TTBK2: variants seen among roughly 807,000 people sequenced by gnomAD.
TTBK2 encodes tau tubulin kinase 2.
Under a neutral mutation model 110.8 loss-of-function variants are expected in TTBK2, and 28 were observed. The ratio of observed to expected loss-of-function variants is 0.25; its 90% CI spans 0.19 to 0.35. TTBK2 has a LOEUF of 0.35. Among genes scored for constraint, TTBK2 ranks in the 10% least tolerant of loss-of-function variants. The probability of loss-of-function intolerance (pLI) is 1.00; values close to 1 mark genes in which losing one functional copy is unlikely to be tolerated. For missense variants in TTBK2, 1,369 were observed against 1,500.3 expected (o/e 0.91, Z 1.45); for synonymous variants, 532 against 527.3 (o/e 1.01, Z -0.12).
intron 14 of TTBK2, among the ~76,000 whole-genome samples, chr15:42,749,454 T>G (rs1366984902): frequency 6.6e-6 from 1 of 152,142 alleles, no homozygotes; most frequent in African/African-American, 2.4e-5. Context: ...CAGCTACCCA[T>G]CCCCCATTCC....
chr15:42,794,694 A>G lies in TTBK2; in HGVS notation c.930T>C (p.Thr310=), dbSNP rs1418953070. 25 of 1,614,062 alleles carry G rather than the reference A, an allele frequency of 1.5e-5. No individual in the cohort carries two copies. Among genetic ancestry groups the G allele is most frequent in the Non-Finnish European group, 2.1e-5 (25 of 1,180,044 alleles). ...TGNDGSLTTT[T]TSTTPQLHTR... is the part of the protein sequence containing the mutation. ...TGTGCAACTGAGGGGTGGTAGAAGT[A>G]GTGGTGGTTGTTAGGGAGCCATCAT... The change falls in exon 10 of 15, where the codon ACT becomes ACC. Residue 310 remains threonine (T), a synonymous_variant. Coordinates refer to ENST00000267890, the MANE Select transcript of TTBK2 (RefSeq NM_173500.4).
At chr15:42,759,157 T>C (rs999602986) in intron 13 of TTBK2, among the ~76,000 whole-genome samples, 1 of 152,190 alleles carries the variant, frequency 6.6e-6, no homozygotes, top group African/African-American at 2.4e-5. Context: ...TCAGCTGTGA[T>C]TTGAGTCCTG....
intron 1 of TTBK2, among the ~76,000 whole-genome samples, chr15:42,907,601 G>C (rs952700116): frequency 4.6e-5 from 7 of 152,126 alleles, no homozygotes; most frequent in African/African-American, 1.7e-4. Flanking sequence ...TCATATGCCA[G>C]AGCTAAAAGA....
rs977357774 is a variant in TTBK2 at position 42,871,250 on chromosome 15, G to A, written c.217+1361C>T. Among the ~76,000 whole-genome samples, 4 of 152,086 alleles carry A rather than the reference G, an allele frequency of 2.6e-5. No homozygotes were observed. In the East Asian group the frequency reaches 7.7e-4, roughly 29 times the overall value. On this transcript the variant is annotated intron_variant, in intron 3 of 14. Coordinates refer to ENST00000267890, the MANE Select transcript of TTBK2 (RefSeq NM_173500.4). ...ATGTCATGTGGTTATAAGCAGATAG[G>A]AAAAATATATTAGTTAATAACGTGA...
chr15:42,769,106 T>C (rs1395487016), intron 13 of TTBK2, among the ~76,000 whole-genome samples: 1 of 152,112 alleles, frequency 6.6e-6, no homozygotes, highest in African/African-American at 2.4e-5. Context: ...ATACAAAAAT[T>C]AATTCAAGAT....
At chr15:42,767,188 T>C (rs997356981) in intron 13 of TTBK2, among the ~76,000 whole-genome samples, 1 of 151,988 alleles carries the variant, frequency 6.6e-6, no homozygotes, top group Non-Finnish European at 1.5e-5. Context: ...GCAGGAAAGA[T>C]CTAAAATTGA....
At chr15:42,829,187 G>A (rs935139801) in intron 5 of TTBK2, among the ~76,000 whole-genome samples, 1 of 152,128 alleles carries the variant, frequency 6.6e-6, no homozygotes, top group Non-Finnish European at 1.5e-5. Flanking sequence ...TGGTATATCA[G>A]AAATCGGTCA....
rs1567008356 is a variant in TTBK2, at chr15:42,763,084, T to TATATA, written c.1999-9838_1999-9837insTATAT. Among the ~76,000 whole-genome samples, 793 of 108,750 alleles carry TATATA rather than the reference T, an allele frequency of 7.3e-3. 46 individuals carry two copies. Among genetic ancestry groups the TATATA allele is most frequent in the African/African-American group, 0.034 (756 of 22,554 alleles). 71.3% of individuals were successfully genotyped at this position (108,750 alleles called of 152,430 possible). ...TATAGGATGATTACAGTTAACAATT[T>TATATA]TATATATATATATATATACGTATAT... On this transcript the variant is annotated intron_variant, in intron 13 of 14. Coordinates refer to ENST00000267890, the MANE Select transcript of TTBK2 (RefSeq NM_173500.4).
intron 1 of TTBK2, among the ~76,000 whole-genome samples, chr15:42,906,152 C>T (rs2030384238): frequency 6.6e-6 from 1 of 151,866 alleles, no homozygotes; most frequent in Non-Finnish European, 1.5e-5. Flanking sequence ...CACACCATTG[C>T]ACTTCAGCCT....
At chr15:42,770,794 A>G (rs923642532) in intron 13 of TTBK2, among the ~76,000 whole-genome samples, 2 of 152,104 alleles carry the variant, frequency 1.3e-5, no homozygotes, top group African/African-American at 4.8e-5. Flanking sequence ...AAGAGTCTTC[A>G]CCTTTTCACA....
rs2061763905 is a variant in TTBK2 at position 42,743,890 on chromosome 15, C to T, written c.*1905G>A. 1 of 152,048 alleles carries T rather than the reference C, an allele frequency of 6.6e-6. No homozygotes were observed. Among genetic ancestry groups the T allele is most frequent in the Non-Finnish European group, 1.5e-5 (1 of 68,010 alleles). 9.4% of individuals were successfully genotyped at this position (152,048 alleles called of 1,614,324 possible). A position where few individuals can be genotyped will look rare whatever the true frequency, so the allele number is the denominator to read the frequency against. Reference sequence around the variant, plus strand: ...GCAAGGCCCAAGTGTACATGAGGCACACAATAGAAAAGGAATTTCGCCATC... The same window carrying T: ...GCAAGGCCCAAGTGTACATGAGGCATACAATAGAAAAGGAATTTCGCCATC... On this transcript the variant is annotated 3_prime_UTR_variant, in exon 15 of 15. Transcript: ENST00000267890.
chr15:42,877,058 T>C (rs1325430245), intron 2 of TTBK2, among the ~76,000 whole-genome samples: 1 of 152,226 alleles, frequency 6.6e-6, no homozygotes, highest in East Asian at 1.9e-4. Flanking sequence ...GAGAAGCAAG[T>C]ATTTATCTTG....
chr15:42,797,673 C>T (rs931921212), intron 9 of TTBK2, among the ~76,000 whole-genome samples: 1 of 152,106 alleles, frequency 6.6e-6, no homozygotes, highest in African/African-American at 2.4e-5. Context: ...GAATGTGTTA[C>T]ATCACATTTG....
chr15:42,859,194 T>C (rs1894058956), intron 3 of TTBK2, among the ~76,000 whole-genome samples: 1 of 152,200 alleles, frequency 6.6e-6, no homozygotes, highest in South Asian at 2.1e-4. Flanking sequence ...AGCCTTGACC[T>C]TCTGGGCTCA....
At chr15:42,758,450 G>C (rs1052574132) in intron 13 of TTBK2, among the ~76,000 whole-genome samples, 2 of 152,116 alleles carry the variant, frequency 1.3e-5, no homozygotes, top group Admixed American at 6.5e-5. Flanking sequence ...GAGGTCAGGA[G>C]TTCAAGACCA....
intron 1 of TTBK2, among the ~76,000 whole-genome samples, chr15:42,911,414 C>T (rs990520949): frequency 4.6e-5 from 7 of 152,170 alleles, no homozygotes; most frequent in Admixed American, 1.3e-4. Context: ...CCAGCCTGGG[C>T]AACATAGCAA....
Position 42,915,713 on chromosome 15 carries a change from G to A in TTBK2, c.-68+4725C>T, listed in dbSNP as rs190765451. On this transcript the variant is annotated intron_variant, in intron 1 of 14. Transcript: ENST00000267890. ...TATAATTCCTGCACTTTGGGAGGCT[G>A]AGGTGGGAGGATTGCTTGAATTCAG... Among the ~76,000 whole-genome samples the A allele has an allele frequency of 1.3e-3, 204 of 152,308 alleles. 4 individuals carry two copies. In the East Asian group the frequency reaches 0.03, roughly 22 times the overall value.
chr15:42,896,671 G>A (rs1448476778), intron 1 of TTBK2, among the ~76,000 whole-genome samples: 2 of 152,044 alleles, frequency 1.3e-5, no homozygotes, highest in Non-Finnish European at 2.9e-5. Context: ...GTACGTGCCT[G>A]TAGTCCCAGC....
chr15:42,914,268 G>C (rs896924213), intron 1 of TTBK2, among the ~76,000 whole-genome samples: 1 of 151,970 alleles, frequency 6.6e-6, no homozygotes, highest in Non-Finnish European at 1.5e-5. Flanking sequence ...GAGCCACCAC[G>C]CCTGGCCTTA....
Sources: allele counts gnomAD v4.1 joint callset (sites outside exome capture counted in the v4.1 genomes callset), GRCh38; gene constraint gnomAD v4.1.1; transcripts MANE v1.5; gene names NCBI Gene and HGNC (gene_info 2026-07-23, HGNC 2026-07-21).